The following PMFBP1 variants were observed in gnomAD, a reference collection of about 807,000 sequenced individuals.
The protein encoded by PMFBP1 is polyamine modulated factor 1 binding protein 1.
A neutral mutation model predicts 137.8 loss-of-function variants in PMFBP1; 131 were observed. The ratio of observed to expected loss-of-function variants is 0.95; its 90% confidence interval spans 0.82 to 1.10. PMFBP1 has a LOEUF of 1.10. Among genes scored for constraint, PMFBP1 ranks in the 50% least tolerant of loss-of-function variants. The pLI, the probability that PMFBP1 is intolerant of heterozygous loss-of-function variation, is 0.00. For synonymous variants in PMFBP1, 490 were observed against 450.4 expected (o/e 1.09, Z -1.11); for missense variants, 1,199 against 1,175.4 (o/e 1.02, Z -0.29).
Position 72,119,969 on chromosome 16 carries a change from G to T in PMFBP1, c.2889C>A (p.Ser963Arg). 1 of 1,614,172 alleles carries T rather than the reference G, an allele frequency of 6.2e-7. No homozygotes were observed. The highest frequency in any genetic ancestry group is 8.5e-7 in the Non-Finnish European group (1 of 1,180,038). ...TCTCCCTCTGTGTGGACTCCGTTCT[G>T]CTCGGGCCTAGGGCTTTGGTGCATA... ...TRLCTKALGP[S>R]RTESTQREKV... The change falls in exon 20 of 21, where the codon AGC (serine) becomes AGA (arginine). Residue 963 changes from serine (S) to arginine (R), a missense_variant. Transcript: ENST00000237353.
the PMFBP1 span, among the ~76,000 whole-genome samples, chr16:72,227,404 T>A: frequency 6.6e-6 from 1 of 152,224 alleles, no homozygotes; most frequent in African/African-American, 2.4e-5. Flanking sequence ...CACATGCTTA[T>A]TCTAGAACAT....
At chr16:72,219,856 T>C in the PMFBP1 span, among the ~76,000 whole-genome samples, 2 of 152,246 alleles carry the variant, frequency 1.3e-5, no homozygotes, top group African/African-American at 4.8e-5. Context: ...GCTTAGACTC[T>C]GCTATGCACC....
At chr16:72,222,173 A>G in the PMFBP1 span, among the ~76,000 whole-genome samples, 1 of 151,978 alleles carries the variant, frequency 6.6e-6, no homozygotes, top group African/African-American at 2.4e-5. Flanking sequence ...GGATCTTGCT[A>G]TGTTGCTCAG....
At chr16:72,166,605 G>C (rs2043148597) in intron 2 of PMFBP1, among the ~76,000 whole-genome samples, 1 of 152,210 alleles carries the variant, frequency 6.6e-6, no homozygotes, top group Admixed American at 6.5e-5. Flanking sequence ...GGGGAAGCAG[G>C]ACAGGGAAGG....
chr16:72,243,082 C>T, the PMFBP1 span, among the ~76,000 whole-genome samples: 157 of 152,322 alleles, frequency 1.0e-3, no homozygotes, highest in African/African-American at 3.4e-3. Context: ...CATCATTTGC[C>T]TATGAACTCA....
the PMFBP1 span, among the ~76,000 whole-genome samples, chr16:72,229,038 T>C: frequency 3.9e-5 from 6 of 152,032 alleles, no homozygotes; most frequent in Admixed American, 6.6e-5. Context: ...CAATGTCTAT[T>C]GTTCCCTTCT....
At chr16:72,228,914 T>G in the PMFBP1 span, among the ~76,000 whole-genome samples, 1 of 151,698 alleles carries the variant, frequency 6.6e-6, no homozygotes, top group Non-Finnish European at 1.5e-5. Context: ...ATGAGTAAAC[T>G]GGGTGGCATG....
chr16:72,242,587 G>C, the PMFBP1 span, among the ~76,000 whole-genome samples: 1 of 152,136 alleles, frequency 6.6e-6, no homozygotes, highest in Non-Finnish European at 1.5e-5. Context: ...TCAGGGTTTG[G>C]TCTTGATTAC....
chr16:72,229,395 G>A, the PMFBP1 span, among the ~76,000 whole-genome samples: 62 of 152,158 alleles, frequency 4.1e-4, no homozygotes, highest in Non-Finnish European at 6.2e-4. Context: ...TGGGTTGAAC[G>A]GTAGTTCTGT....
At chr16:72,132,538 A>T (rs1416361940) in intron 10 of PMFBP1, among the ~76,000 whole-genome samples, 1 of 152,194 alleles carries the variant, frequency 6.6e-6, no homozygotes, top group Non-Finnish European at 1.5e-5. Flanking sequence ...GGGTGACTAC[A>T]GAGGGCAGGT....
In PMFBP1 at chr16:72,140,531, A is replaced by C. The variant is rs2042702110; in HGVS notation, c.688T>G (p.Cys230Gly). The C allele has an allele frequency of 6.2e-7, 1 of 1,613,410 alleles. No individual in the cohort carries two copies. The highest frequency in any genetic ancestry group is 8.5e-7 in the Non-Finnish European group (1 of 1,179,472). Reference protein sequence around the residue: ...HSKVRIYTSPCMIQEHQETQK... With the variant: ...HSKVRIYTSPGMIQEHQETQK... The stretch of plus-strand genomic sequence containing the variant: ...GTCTCCTGATGCTCTTGAATCATGC[A>C]AGGAGAAGTGTATATCCGTACCTTT... Residue 230 changes from cysteine (C) to glycine (G), a missense_variant, in exon 6 of 21, where the codon TGC (cysteine) becomes GGC (glycine). By Grantham distance (159) the Cys-to-Gly change is radical. Transcript: ENST00000237353.
chr16:72,182,890 C>A, the PMFBP1 span, among the ~76,000 whole-genome samples: 6,329 of 152,224 alleles, frequency 0.042, 440 homozygotes, highest in African/African-American at 0.15. Flanking sequence ...CCATGAGCTG[C>A]ATCAACCAGC....
At chr16:72,202,932 C>T in the PMFBP1 span, among the ~76,000 whole-genome samples, 6 of 152,198 alleles carry the variant, frequency 3.9e-5, no homozygotes, top group Admixed American at 6.5e-5. Context: ...TGGGTGCCGA[C>T]GTTCAGAGTC....
intron 4 of PMFBP1, 43 bp downstream of exon 4, chr16:72,154,168 T>C (rs1387571215): frequency 1.2e-6 from 2 of 1,600,172 alleles, no homozygotes; most frequent in Non-Finnish European, 1.7e-6. Flanking sequence ...TTTCTGCAGG[T>C]ACCTAAGAAT....
chr16:72,237,781 A>G, the PMFBP1 span, among the ~76,000 whole-genome samples: 1 of 151,992 alleles, frequency 6.6e-6, no homozygotes, highest in African/African-American at 2.4e-5. Context: ...ATTTTTCCTG[A>G]TCCTCTCCCT....
chr16:72,167,633 G>C (rs1488869838), intron 2 of PMFBP1, among the ~76,000 whole-genome samples: 1 of 152,168 alleles, frequency 6.6e-6, no homozygotes. Flanking sequence ...ACTGGGAATA[G>C]GGTATGGAGC....
chr16:72,215,400 G>A, the PMFBP1 span, among the ~76,000 whole-genome samples: 2 of 151,238 alleles, frequency 1.3e-5, no homozygotes, highest in Non-Finnish European at 1.5e-5. Flanking sequence ...GTTTACAAAA[G>A]AATAGCCATT....
intron 5 of PMFBP1, 98 bp downstream of exon 5, chr16:72,150,510 A>C: frequency 8.5e-7 from 1 of 1,169,694 alleles, no homozygotes; most frequent in South Asian, 1.3e-5. Context: ...ATCTGGGTAA[A>C]GGTTTGGGTT....
chr16:72,205,455 A>G, the PMFBP1 span, among the ~76,000 whole-genome samples: 1 of 152,204 alleles, frequency 6.6e-6, no homozygotes, highest in Non-Finnish European at 1.5e-5. Context: ...TGTGTGTCCA[A>G]TTGCAGCTGG....
Sources: allele counts gnomAD v4.1 joint callset (sites outside exome capture counted in the v4.1 genomes callset), GRCh38; gene constraint gnomAD v4.1.1; transcripts MANE v1.5; gene names NCBI Gene and HGNC (gene_info 2026-07-23, HGNC 2026-07-21).